XAF1: variants seen among roughly 807,000 people sequenced by gnomAD.
XAF1 encodes XIAP associated factor 1.
In XAF1, 32 loss-of-function variants were observed where a neutral mutation model predicts 32.3. That is an observed-to-expected ratio of 0.99 (90% CI 0.75 to 1.33). The LOEUF (loss-of-function observed/expected upper bound fraction) is 1.33, where lower values mean the gene tolerates loss of function less well. Ranked by LOEUF, XAF1 falls within the 40% of genes most tolerant of loss-of-function variation. The pLI is 0.00. For missense variants in XAF1, 379 were observed against 366.0 expected, an observed-to-expected ratio of 1.04 and a Z score of -0.29; for synonymous variants, 120 against 125.9, an observed-to-expected ratio of 0.95 and a Z score of 0.31.
chr17:6,771,092 G>A (rs1976005608), intron 6 of XAF1, 108 bp downstream of exon 6: 12 of 1,242,890 alleles, frequency 9.7e-6, no homozygotes, highest in East Asian at 7.4e-5. Context: ...TGAAAAGGCC[G>A]TTTTCTCTGA....
chr17:6,770,906 T>C lies in XAF1; in HGVS notation c.771T>C (p.Asp257=). 1 of 1,614,134 alleles carries C rather than the reference T, an allele frequency of 6.2e-7. No homozygotes were observed. Among genetic ancestry groups the C allele is most frequent in the South Asian group, 1.1e-5 (1 of 91,066 alleles). Residue 257 remains aspartate (D), a synonymous_variant, in exon 6 of 7, where the codon GAT becomes GAC. Coordinates refer to ENST00000361842, the MANE Select transcript of XAF1 (RefSeq NM_017523.5). ...PKPRTSSPRG[D]KAAYDILRRC... The stretch of plus-strand genomic sequence containing the variant: ...CCAGGACCAGCTCCCCTAGAGGAGA[T>C]AAAGCAGCCTATGACATTCTGAGGA...
chr17:6,764,119 G>A (rs1385328869), intron 5 of XAF1, among the ~76,000 whole-genome samples: 2 of 152,220 alleles, frequency 1.3e-5, no homozygotes, highest in East Asian at 1.9e-4. Context: ...TAGTTCTGCT[G>A]TGCCCCTTAC....
chr17:6,768,883 T>A (rs1975812438), intron 5 of XAF1, among the ~76,000 whole-genome samples: 1 of 152,296 alleles, frequency 6.6e-6, no homozygotes, highest in Middle Eastern at 3.4e-3. Flanking sequence ...TTCTCTTTCC[T>A]TAATATAAAG....
intron 2 of XAF1, 123 bp downstream of exon 2, chr17:6,758,347 G>T: frequency 2.8e-6 from 4 of 1,426,004 alleles, no homozygotes; most frequent in South Asian, 1.3e-5. Context: ...GGTGAGATGG[G>T]GTCTGGGAGT....
At position 6,770,965 on chromosome 17, in the gene XAF1, C is replaced by T. The variant is rs894389758; in HGVS notation, c.830C>T (p.Pro277Leu). The T allele has an allele frequency of 4.3e-6, 7 of 1,614,042 alleles. No individual in the cohort carries two copies. Among genetic ancestry groups the T allele is most frequent in the Non-Finnish European group, 4.2e-6 (5 of 1,179,990 alleles). ...CSQCGILLPL[P>L]ILNQHQEKCR... is the part of the protein sequence containing the mutation. ...CAGTGTGGCATCCTGCTTCCCCTGC[C>T]GATCCTAAATCAACATCAGGTACTC... is the stretch of plus-strand genomic sequence containing the variant. Residue 277 changes from proline to leucine, a missense_variant, in exon 6 of 7, where the codon CCG becomes CTG. Coordinates refer to ENST00000361842, the MANE Select transcript of XAF1 (RefSeq NM_017523.5).
chr17:6,766,878 G>A (rs1975660886), intron 5 of XAF1, among the ~76,000 whole-genome samples: 1 of 152,114 alleles, frequency 6.6e-6, no homozygotes, highest in African/African-American at 2.4e-5. Flanking sequence ...CTGTTGGTCT[G>A]GAATTTCTTC....
chr17:6,762,083 G>A, intron 4 of XAF1, 72 bp from the exon 5 acceptor site: 3 of 1,607,538 alleles, frequency 1.9e-6, no homozygotes, highest in Non-Finnish European at 2.6e-6. Flanking sequence ...GGCCATGTAT[G>A]CAGTTGTGGG....
chr17:6,759,501 G>T (rs1469751107), intron 2 of XAF1, 161 bp from the exon 3 acceptor site: 3 of 1,470,522 alleles, frequency 2.0e-6, no homozygotes, highest in Admixed American at 4.7e-5. Flanking sequence ...ACTGGGCGGG[G>T]TGCTAGAGAG....
At chr17:6,771,032 A>G (rs968904205) in intron 6 of XAF1, 48 bp downstream of exon 6, 1 of 1,574,178 alleles carries the variant, frequency 6.4e-7, no homozygotes, top group Non-Finnish European at 8.6e-7. Context: ...CCATCCGCAC[A>G]GTGTCTTAAA....
chr17:6,771,230 T>C (rs1976012402), intron 6 of XAF1: 2 of 423,220 alleles, frequency 4.7e-6, no homozygotes, highest in African/African-American at 4.0e-5. Flanking sequence ...GCCAGGTCCC[T>C]CTTCTCTGTG....
upstream of XAF1, chr17:6,755,592 G>A: frequency 4.9e-6 from 5 of 1,010,678 alleles, no homozygotes; most frequent in South Asian, 1.2e-4. Flanking sequence ...TGTTTGCAAG[G>A]TCCTCACCGC....
chr17:6,769,033 T>C (rs895410938), intron 5 of XAF1, among the ~76,000 whole-genome samples: 16 of 110,554 alleles, frequency 1.4e-4, no homozygotes, highest in Admixed American at 1.1e-3. Context: ...TCTAGCTTCA[T>C]GACTCTCTTT....
intron 4 of XAF1, among the ~76,000 whole-genome samples, chr17:6,761,479 A>G (rs1376977955): frequency 6.6e-6 from 1 of 152,180 alleles, no homozygotes; most frequent in African/African-American, 2.4e-5. Context: ...GGGTGTATTT[A>G]CTGTCACACA....
intron 5 of XAF1, among the ~76,000 whole-genome samples, chr17:6,767,825 C>G (rs1425801944): frequency 1.3e-5 from 2 of 152,076 alleles, no homozygotes; most frequent in African/African-American, 4.8e-5. Context: ...TTCTTCTTTC[C>G]TACTGATTCG....
chr17:6,763,501 T>C lies in XAF1; in HGVS notation c.507+1261T>C, dbSNP rs954595876. ...TGCCACCACGCCCGGCTAATTTTTG[T>C]ATTTTTTTTTAGTAGAGACGGGGTT... On this transcript the variant is annotated intron_variant, in intron 5 of 6. Coordinates refer to ENST00000361842, the MANE Select transcript of XAF1 (RefSeq NM_017523.5). 4.6e-5 allele frequency among the ~76,000 whole-genome samples: 7 copies of C among 152,182 alleles called. No homozygotes were observed. In the South Asian group the frequency reaches 1.5e-3, roughly 32 times the overall value.
At chr17:6,765,879 T>C in intron 5 of XAF1, among the ~76,000 whole-genome samples, 1 of 152,354 alleles carries the variant, frequency 6.6e-6, no homozygotes, top group African/African-American at 2.4e-5. Flanking sequence ...TCTGTACTGA[T>C]TCTTGCCCCA....
intron 5 of XAF1, among the ~76,000 whole-genome samples, chr17:6,769,549 T>C (rs895298013): frequency 2.0e-5 from 3 of 152,228 alleles, no homozygotes; most frequent in African/African-American, 7.2e-5. Flanking sequence ...TTACCTGAAC[T>C]TCTTGGAGGC....
In XAF1 at chr17:6,773,007, G is replaced by A. The variant is rs546336516; in HGVS notation, c.850-106G>A. ...TATGCCATTACACTCCAGTCTTTGG[G>A]CAGGGCTCATGCTCTGTAACAAGGG... On this transcript the variant is annotated intron_variant, in intron 6 of 6. Transcript: ENST00000361842. 2.8e-4 allele frequency: 272 copies of A among 984,738 alleles called. 1 individual carries two copies. In the African/African-American group the frequency reaches 4.2e-3, roughly 15 times the overall value. The allele number at this position is 984,738 out of a possible 1,614,324, so 61.0% of individuals were successfully genotyped here. A position where few individuals can be genotyped will look rare whatever the true frequency, so the allele number is the denominator to read the frequency against.
intron 1 of XAF1, 150 bp from the exon 2 acceptor site, chr17:6,757,939 C>A: frequency 1.9e-6 from 2 of 1,071,518 alleles, no homozygotes; most frequent in Non-Finnish European, 2.7e-6. Context: ...TTTGGACCCA[C>A]ACAGGGAGTG....
Sources: allele counts gnomAD v4.1 joint callset (sites outside exome capture counted in the v4.1 genomes callset), GRCh38; gene constraint gnomAD v4.1.1; transcripts MANE v1.5; gene names NCBI Gene and HGNC (gene_info 2026-07-23, HGNC 2026-07-21).